Variants in ZNF551 observed in about 807,000 individuals in gnomAD.
ZNF551 encodes KOX 23 protein (56 AA).
In ZNF551, 5 loss-of-function variants were observed where a neutral mutation model predicts 7.9. The ratio of observed to expected loss-of-function variants is 0.63; its 90% CI spans 0.33 to 1.33. The LOEUF (loss-of-function observed/expected upper bound fraction) is 1.33. ZNF551 is among the 40% of genes most tolerant of loss of function. The probability of loss-of-function intolerance (pLI) is 0.05; values close to 1 mark genes in which losing one functional copy is unlikely to be tolerated. For synonymous variants in ZNF551, 287 were observed against 277.3 expected, an observed-to-expected ratio of 1.03 and a Z score of -0.35; for missense variants, 788 against 825.2, an observed-to-expected ratio of 0.95 and a Z score of 0.55.
In ZNF551 at chr19:57,688,135, TGGG is replaced by T; in HGVS notation, c.1861_1863del (p.Gly621del). On this transcript the variant is annotated inframe_deletion, in exon 3 of 3. Transcript: ENST00000282296. ...AAAGACCTTATGAGTGCAGTCAATG[TGGG>T]AAACCCTTTACCCACAAATCAGACC... 1 of 1,614,124 alleles carries T rather than the reference TGGG, an allele frequency of 6.2e-7. No homozygotes were observed. The highest frequency in any genetic ancestry group is 8.5e-7 in the Non-Finnish European group (1 of 1,180,004).
In ZNF551 at chr19:57,682,176, G is replaced by C. The variant is rs547033177; in HGVS notation, c.13G>C (p.Val5Leu). The C allele has an allele frequency of 1.4e-5, 21 of 1,549,074 alleles. No individual in the cohort carries two copies. In the East Asian group the frequency reaches 4.9e-4, roughly 36 times the overall value. The change falls in exon 1 of 3, where the codon GTC (valine) becomes CTC (leucine). Residue 5 changes from valine (V) to leucine (L), a missense_variant. By Grantham distance (32) the Val-to-Leu change is conservative. Transcript: ENST00000282296. MPAPVGRRSPPSPRS... is the reference protein window; with the variant it reads MPAPLGRRSPPSPRS... ...CTGTTGTGTTCGAATGCCCGCCCCG[G>C]TCGGCCGCCGCTCCCCGCCTAGTCC...
Position 57,682,062 on chromosome 19 carries a change from A to T in ZNF551, c.-102A>T, listed in dbSNP as rs1984397174. On this transcript the variant is annotated 5_prime_UTR_variant, in exon 1 of 3. Transcript: ENST00000282296. ...GCCAGTTTCTGCAGTGGAGGTCGCG[A>T]CTGAGGGACGGGACAGAGAAGTCGC... is the stretch of plus-strand genomic sequence containing the variant. 7.8e-7 allele frequency: 1 copy of T among 1,280,874 alleles called. No individual in the cohort carries two copies. Among genetic ancestry groups the T allele is most frequent in the African/African-American group, 1.5e-5 (1 of 67,684 alleles). 79.3% of individuals were successfully genotyped at this position (1,280,874 alleles called of 1,614,324 possible).
At position 57,687,903 on chromosome 19, in the gene ZNF551, G is replaced by T; in HGVS notation, c.1628G>T (p.Arg543Leu). 1 of 1,613,952 alleles carries T rather than the reference G, an allele frequency of 6.2e-7. No individual in the cohort carries two copies. Among genetic ancestry groups the T allele is most frequent in the African/African-American group, 1.3e-5 (1 of 74,964 alleles). ...GAATGTGGCAAATCTTTTAGACAGC[G>T]CTCTGGCCTCATTCAGCACCGGAGA... ...CSECGKSFRQ[R>L]SGLIQHRRLH... The change falls in exon 3 of 3, where the codon CGC (arginine) becomes CTC (leucine). Residue 543 changes from arginine to leucine, a missense_variant. By Grantham distance (102) the Arg-to-Leu change is moderately radical (BLOSUM62 -2). Coordinates refer to ENST00000282296, the MANE Select transcript of ZNF551 (RefSeq NM_138347.5).
At position 57,687,709 on chromosome 19, in the gene ZNF551, T is replaced by G. The variant is rs1318816566; in HGVS notation, c.1434T>G (p.Ser478Arg). The G allele has an allele frequency of 5.0e-6, 8 of 1,614,026 alleles. No homozygotes were observed. The highest frequency in any genetic ancestry group is 1.3e-5 in the African/African-American group (1 of 74,900). The stretch of plus-strand genomic sequence containing the variant: ...CTGGTGATAGGCCTTATGAGTGCAG[T>G]GAATGTGAGAAATCCTTTAGCCGCA... ...IHTGDRPYECSECEKSFSRKF... is the reference protein window; with the variant it reads ...IHTGDRPYECRECEKSFSRKF... Residue 478 changes from serine to arginine, a missense_variant, in exon 3 of 3, where the codon AGT (serine) becomes AGG (arginine). Ser to Arg is a moderately radical substitution (Grantham distance 110). Transcript: ENST00000282296.
Position 57,686,652 on chromosome 19 carries a change from C to T in ZNF551, c.377C>T (p.Ser126Phe). 2 of 1,614,202 alleles carry T rather than the reference C, an allele frequency of 1.2e-6. No individual in the cohort carries two copies. The highest frequency in any genetic ancestry group is 2.2e-5 in the East Asian group (1 of 44,880). Residue 126 changes from serine (S) to phenylalanine (F), a missense_variant, in exon 3 of 3, where the codon TCC becomes TTC. Ser to Phe is a radical substitution (Grantham distance 155). Coordinates refer to ENST00000282296, the MANE Select transcript of ZNF551 (RefSeq NM_138347.5). The stretch of plus-strand genomic sequence containing the variant: ...CCTGCGGCTGAGCACCAAACCACAT[C>T]CCCTGTGCAAAAGTCATACTTGGGT... Reference protein sequence around the residue: ...ILPAAEHQTTSPVQKSYLGST... With the variant: ...ILPAAEHQTTFPVQKSYLGST...
chr19:57,690,372 T>TACACACAC lies in ZNF551; in HGVS notation c.*2107_*2114dup, dbSNP rs67512913. 53 of 149,094 alleles carry TACACACAC rather than the reference T, an allele frequency of 3.6e-4. No individual in the cohort carries two copies. The highest frequency in any genetic ancestry group is 1.3e-3 in the African/African-American group (51 of 40,752). The allele number at this position is 149,094 out of a possible 1,614,324, so 9.2% of individuals were successfully genotyped here. A position where few individuals can be genotyped will look rare whatever the true frequency, so the allele number is the denominator to read the frequency against. ...TTTCTGGAGTTTTTACTGAGATACA[T>TACACACAC]ACACACACACACACACACACACACA... On this transcript the variant is annotated 3_prime_UTR_variant, in exon 3 of 3. Coordinates refer to ENST00000282296, the MANE Select transcript of ZNF551 (RefSeq NM_138347.5).
intron 1 of ZNF551, 81 bp downstream of exon 1, chr19:57,682,325 C>A: frequency 2.1e-6 from 3 of 1,444,296 alleles, no homozygotes; most frequent in Non-Finnish European, 1.9e-6. Flanking sequence ...TGCTCACAGC[C>A]CTGCAGCCCA....
intron 1 of ZNF551, among the ~76,000 whole-genome samples, chr19:57,684,976 C>T (rs1294259648): frequency 6.6e-6 from 1 of 152,190 alleles, no homozygotes; most frequent in East Asian, 1.9e-4. Context: ...CACTCACACC[C>T]TGTCTATGGC....
chr19:57,685,260 A>G lies in ZNF551; in HGVS notation c.82-2A>G. ...TGGATTGAACTATTCCTGCTGTGAC[A>G]GGGTATGACCTTTGAGGATGTGGCC... On this transcript the variant is annotated splice_acceptor_variant, in intron 1 of 2. Transcript: ENST00000282296. LOFTEE classifies it high-confidence loss of function. 6.2e-7 allele frequency: 1 copy of G among 1,613,806 alleles called. No individual in the cohort carries two copies. The highest frequency in any genetic ancestry group is 1.1e-5 in the South Asian group (1 of 91,060).
rs765563881 is a variant in ZNF551, at chr19:57,686,575, A to T, written c.300A>T (p.Lys100Asn). 1 of 1,614,174 alleles carries T rather than the reference A, an allele frequency of 6.2e-7. No individual in the cohort carries two copies. The highest frequency in any genetic ancestry group is 1.1e-5 in the South Asian group (1 of 91,084). Residue 100 changes from lysine (K) to asparagine (N), a missense_variant, in exon 3 of 3, where the codon AAA (lysine) becomes AAT (asparagine). Lys to Asn is a moderately conservative substitution (Grantham distance 94). Transcript: ENST00000282296. Reference sequence around the variant, plus strand: ...CTAAGGGCAATACACCCACCCAGAAAACTCACCTCAGTGAGATTAAGATGT... The same window carrying T: ...CTAAGGGCAATACACCCACCCAGAATACTCACCTCAGTGAGATTAAGATGT... ...RTSKGNTPTQ[K>N]THLSEIKMCV...
At chr19:57,686,264 C>T (rs1284621768) in intron 2 of ZNF551, among the ~76,000 whole-genome samples, 2 of 152,198 alleles carry the variant, frequency 1.3e-5, no homozygotes, top group African/African-American at 2.4e-5. Context: ...CCTTCTCCTC[C>T]TGTGCTATAC....
intron 2 of ZNF551, 127 bp downstream of exon 2, chr19:57,685,512 G>A (rs1984527809): frequency 6.9e-7 from 1 of 1,442,228 alleles, no homozygotes; most frequent in Non-Finnish European, 9.7e-7. Context: ...CAGGATGACT[G>A]TGTACAGATT....
Position 57,683,143 on chromosome 19 carries a change from C to T in ZNF551, c.81+899C>T, listed in dbSNP as rs116726374. ...TCTGGTTCTGGTCTTATTAGGCTCC[C>T]TGTGGCTGCAGCATGGGAAGCCAAC... On this transcript the variant is annotated intron_variant, in intron 1 of 2. Coordinates refer to ENST00000282296, the MANE Select transcript of ZNF551 (RefSeq NM_138347.5). Among the ~76,000 whole-genome samples the T allele has an allele frequency of 5.9e-3, 896 of 152,206 alleles. 12 individuals carry two copies. Among genetic ancestry groups the T allele is most frequent in the African/African-American group, 0.02 (849 of 41,520 alleles).
At position 57,687,908 on chromosome 19, in the gene ZNF551, G is replaced by A; in HGVS notation, c.1633G>A (p.Gly545Ser). The A allele has an allele frequency of 6.2e-7, 1 of 1,613,882 alleles. No homozygotes were observed. The highest frequency in any genetic ancestry group is 8.5e-7 in the Non-Finnish European group (1 of 1,179,952). ...ECGKSFRQRS[G>S]LIQHRRLHTG... Reference sequence around the variant, plus strand: ...TGGCAAATCTTTTAGACAGCGCTCTGGCCTCATTCAGCACCGGAGACTTCA... The same window carrying A: ...TGGCAAATCTTTTAGACAGCGCTCTAGCCTCATTCAGCACCGGAGACTTCA... The change falls in exon 3 of 3, where the codon GGC (glycine) becomes AGC (serine). Residue 545 changes from glycine (G) to serine (S), a missense_variant. Transcript: ENST00000282296.
chr19:57,687,662 A>G lies in ZNF551; in HGVS notation c.1387A>G (p.Ile463Val), dbSNP rs771401262. ...GKSFRQFSNL[I>V]RHRSIHTGDR... ...ATCCTTTAGACAATTCTCTAACCTC[A>G]TTCGACACCGCAGCATTCACACTGG... The change falls in exon 3 of 3, where the codon ATT becomes GTT. Residue 463 changes from isoleucine (I) to valine (V), a missense_variant. Physicochemically the swap from Ile to Val is conservative, Grantham distance 29. Transcript: ENST00000282296. 6.2e-7 allele frequency: 1 copy of G among 1,614,150 alleles called. No homozygotes were observed. Among genetic ancestry groups the G allele is most frequent in the Non-Finnish European group, 8.5e-7 (1 of 1,180,028 alleles).
At position 57,683,860 on chromosome 19, in the gene ZNF551, G is replaced by A. The variant is rs141559598; in HGVS notation, c.82-1402G>A. On this transcript the variant is annotated intron_variant, in intron 1 of 2. Transcript: ENST00000282296. ...GACAGGATGATGCTAGGACTGGTGC[G>A]TATTCACCTCTCTGCAGACTGACCA... Among the ~76,000 whole-genome samples the A allele has an allele frequency of 9.8e-3, 1,495 of 152,228 alleles. 12 individuals are homozygous for A. Among genetic ancestry groups the A allele is most frequent in the Non-Finnish European group, 0.015 (1,032 of 68,008 alleles).
intron 1 of ZNF551, 81 bp downstream of exon 1, chr19:57,682,325 CCTG>C (rs1984412275): frequency 6.9e-7 from 1 of 1,444,298 alleles, no homozygotes; most frequent in Non-Finnish European, 9.4e-7. Context: ...TGCTCACAGC[CCTG>C]CAGCCCAGGC....
chr19:57,682,113 AC>A lies in ZNF551; in HGVS notation c.-49del. On this transcript the variant is annotated 5_prime_UTR_variant, in exon 1 of 3. Transcript: ENST00000282296. ...GAAAGTGGGCCAGAGGTTCTGCGAC[AC>A]CACCTCGGGTGAGCTGCGCCAGGCC... The A allele has an allele frequency of 6.6e-7, 1 of 1,523,178 alleles. No homozygotes were observed. Among genetic ancestry groups the A allele is most frequent in the Non-Finnish European group, 8.8e-7 (1 of 1,132,174 alleles). 94.4% of individuals were successfully genotyped at this position (1,523,178 alleles called of 1,614,324 possible). A position where few individuals can be genotyped will look rare whatever the true frequency, so the allele number is the denominator to read the frequency against.
intron 2 of ZNF551, among the ~76,000 whole-genome samples, chr19:57,685,744 A>G (rs976242161): frequency 2.6e-5 from 4 of 152,178 alleles, no homozygotes; most frequent in East Asian, 1.9e-4. Context: ...TGGTAGCACA[A>G]TGAGGGCTGC....
Sources: gnomAD v4.1 joint callset for allele counts (sites outside exome capture counted in the v4.1 genomes callset) on GRCh38, gnomAD v4.1.1 for gene constraint, MANE v1.5 for transcripts, NCBI Gene and HGNC (gene_info 2026-07-23, HGNC 2026-07-21) for gene names.